The following PCDHGB1 variants were observed in gnomAD, a reference collection of about 807,000 sequenced individuals.
The protein encoded by PCDHGB1 is protocadherin gamma subfamily B, 1, also known as protocadherin gamma-B1.
Under a neutral mutation model 56.6 loss-of-function variants are expected in PCDHGB1, and 34 were observed. That is an observed-to-expected ratio of 0.60 (90% confidence interval 0.46 to 0.80). The LOEUF (loss-of-function observed/expected upper bound fraction) is 0.80. Ranked by LOEUF, PCDHGB1 falls within the 30% of genes least tolerant of loss-of-function variation. The pLI is 0.00. For missense variants in PCDHGB1, 1,278 were observed against 1,204.6 expected (o/e 1.06, Z -0.90); for synonymous variants, 561 against 505.9 (o/e 1.11, Z -1.46).
intron 1 of PCDHGB1, chr5:141,371,174 C>A: frequency 6.2e-7 from 1 of 1,613,994 alleles, no homozygotes; most frequent in South Asian, 1.1e-5. Context: ...CTGGCTCCTC[C>A]GTATTAAAAG....
At position 141,490,370 on chromosome 5, in the gene PCDHGB1, G is replaced by C. The variant is rs768474199; in HGVS notation, c.2410-4437G>C. ...GTGGGGTTGTTTAATGTGCGAGACC[G>C]GGACTCAGGTAGAAATGGTGAAGTG... On this transcript the variant is annotated intron_variant, in intron 1 of 3. Coordinates refer to ENST00000523390, the MANE Select transcript of PCDHGB1 (RefSeq NM_018922.3). The surrounding 1 kb of genome is among the most constrained non-coding windows in gnomAD (Gnocchi z 5.4). 1 of 1,614,172 alleles carries C rather than the reference G, an allele frequency of 6.2e-7. No individual in the cohort carries two copies. Among genetic ancestry groups the C allele is most frequent in the Admixed American group, 1.7e-5 (1 of 60,026 alleles).
rs1043830490 is a variant in PCDHGB1, at chr5:141,357,171, C to T, written c.2409+4502C>T. On this transcript the variant is annotated intron_variant, in intron 1 of 3. Coordinates refer to ENST00000523390, the MANE Select transcript of PCDHGB1 (RefSeq NM_018922.3). Reference sequence around the variant, plus strand: ...ATGGCCAGCCCCCTCTCTCGGCCACCGTCACACTCACTGTGGCTGTGGCCG... The same window carrying T: ...ATGGCCAGCCCCCTCTCTCGGCCACTGTCACACTCACTGTGGCTGTGGCCG... 6 of 1,613,588 alleles carry T rather than the reference C, an allele frequency of 3.7e-6. No individual in the cohort carries two copies. The African/African-American group carries it at 4.0e-5, about 11-fold the overall frequency.
chr5:141,406,528 TGAC>T (rs1369720853), intron 1 of PCDHGB1, among the ~76,000 whole-genome samples: 4 of 152,246 alleles, frequency 2.6e-5, no homozygotes, highest in Non-Finnish European at 5.9e-5. Context: ...AGATATTTTC[TGAC>T]GAAGATTCAA....
At chr5:141,357,095 T>A in intron 1 of PCDHGB1, 1 of 1,613,868 alleles carries the variant, frequency 6.2e-7, no homozygotes, top group African/African-American at 1.3e-5. Context: ...GCACGGGCCC[T>A]GCTGGACAGA....
At chr5:141,403,153 C>T (rs2094362720) in intron 1 of PCDHGB1, 2 of 1,614,060 alleles carry the variant, frequency 1.2e-6, no homozygotes, top group Non-Finnish European at 1.7e-6. Flanking sequence ...TCCGCATCGT[C>T]TCTAGAGGTA....
In PCDHGB1 at chr5:141,491,633, C is replaced by T; in HGVS notation, c.2410-3174C>T. Reference sequence around the variant, plus strand: ...CTAAGACCCCTCAGCGTTCAGCAGCCCACAGCTCTGGCGCTGGAGCCTGAC... The same window carrying T: ...CTAAGACCCCTCAGCGTTCAGCAGCTCACAGCTCTGGCGCTGGAGCCTGAC... On this transcript the variant is annotated intron_variant, in intron 1 of 3. Transcript: ENST00000523390. This position sits in a 1 kb window ranked among gnomAD's most constrained non-coding sequence, Gnocchi z 6.9. 2 of 1,613,916 alleles carry T rather than the reference C, an allele frequency of 1.2e-6. No homozygotes were observed.
chr5:141,375,176 G>A (rs1430924979), intron 1 of PCDHGB1: 2 of 1,613,900 alleles, frequency 1.2e-6, no homozygotes, highest in African/African-American at 1.3e-5. Context: ...TCCAGGAACA[G>A]TAATCGCCCT....
chr5:141,484,716 G>C (rs1375103858), intron 1 of PCDHGB1, among the ~76,000 whole-genome samples: 1 of 152,030 alleles, frequency 6.6e-6, no homozygotes, highest in African/African-American at 2.4e-5. Context: ...CGCCGAAAAG[G>C]GGCGGGGTCA....
At chr5:141,453,321 T>TG (rs2098762672) in intron 1 of PCDHGB1, among the ~76,000 whole-genome samples, 2 of 151,876 alleles carry the variant, frequency 1.3e-5, no homozygotes, top group Admixed American at 6.6e-5. Context: ...ATTTTAGAGA[T>TG]GGGGTCTCAC....
In PCDHGB1 at chr5:141,390,041, C is replaced by A. The variant is rs373243233; in HGVS notation, c.2409+37372C>A. On this transcript the variant is annotated intron_variant, in intron 1 of 3. Coordinates refer to ENST00000523390, the MANE Select transcript of PCDHGB1 (RefSeq NM_018922.3). ...TGCGCCTGCGACGCTCCTCCAGCCC[C>A]GCCTCCTGGAGCTGCTTCCAGCCTG... is the stretch of plus-strand genomic sequence containing the variant. The A allele has an allele frequency of 3.7e-6, 6 of 1,613,940 alleles. No homozygotes were observed. In the African/African-American group the frequency reaches 8.0e-5, roughly 22 times the overall value.
At position 141,382,875 on chromosome 5, in the gene PCDHGB1, C is replaced by T. The variant is rs531192742; in HGVS notation, c.2409+30206C>T. On this transcript the variant is annotated intron_variant, in intron 1 of 3. Transcript: ENST00000523390. ...TCTGAAGCACTTCCCGAGATCGGCG[C>T]CTAAGCAAGAGAAGCAGGACGACTA... 5 of 1,524,466 alleles carry T rather than the reference C, an allele frequency of 3.3e-6. No individual in the cohort carries two copies. In the East Asian group the frequency reaches 1.1e-4, roughly 35 times the overall value. The allele number at this position is 1,524,466 out of a possible 1,614,324, so 94.4% of individuals were successfully genotyped here. A position where few individuals can be genotyped will look rare whatever the true frequency, so the allele number is the denominator to read the frequency against.
intron 1 of PCDHGB1, chr5:141,370,538 G>A: frequency 3.1e-6 from 5 of 1,613,906 alleles, no homozygotes; most frequent in Non-Finnish European, 4.2e-6. Context: ...CGCTGGTAGG[G>A]AACCTCGCCA....
chr5:141,385,351 T>C, intron 1 of PCDHGB1: 1 of 1,555,976 alleles, frequency 6.4e-7, no homozygotes, highest in Non-Finnish European at 8.7e-7. Flanking sequence ...TTTATTTCCA[T>C]GAGGAATTTA....
chr5:141,408,345 G>A (rs370026579), intron 1 of PCDHGB1: 3 of 1,613,812 alleles, frequency 1.9e-6, no homozygotes, highest in Non-Finnish European at 2.5e-6. Context: ...TCGGTGGTGG[G>A]GAACCTCGCT....
At chr5:141,420,625 T>C (rs1440415745) in intron 1 of PCDHGB1, among the ~76,000 whole-genome samples, 1 of 152,242 alleles carries the variant, frequency 6.6e-6, no homozygotes, top group Non-Finnish European at 1.5e-5. Flanking sequence ...CTTCATTTAC[T>C]CAATAAAGGA....
Position 141,393,014 on chromosome 5 carries a change from C to T in PCDHGB1, c.2409+40345C>T, listed in dbSNP as rs761990025. The T allele has an allele frequency of 1.9e-6, 3 of 1,613,736 alleles. No homozygotes were observed. The African/African-American group carries it at 4.0e-5, about 22-fold the overall frequency. On this transcript the variant is annotated intron_variant, in intron 1 of 3. Transcript: ENST00000523390. ...TGGCGAAGCACGGAGTCCGTATCGT[C>T]TCCAGAGGTAGGACGCAGCTCTTTG... is the stretch of plus-strand genomic sequence containing the variant.
intron 1 of PCDHGB1, chr5:141,410,073 G>T: frequency 6.2e-7 from 1 of 1,612,940 alleles, no homozygotes; most frequent in South Asian, 1.1e-5. Context: ...CTGCGCACTG[G>T]GGAGGTGCGC....
chr5:141,415,039 G>A (rs761101620), intron 1 of PCDHGB1: 1 of 1,613,486 alleles, frequency 6.2e-7, no homozygotes, highest in South Asian at 1.1e-5. Context: ...GGGACTCTTC[G>A]CGGTGGGGGA....
Position 141,511,132 on chromosome 5 carries a change from A to G in PCDHGB1, c.2743A>G (p.Asn915Asp). The change falls in exon 4 of 4, where the codon AAT (asparagine) becomes GAT (aspartate). Residue 915 changes from asparagine to aspartate, a missense_variant. Coordinates refer to ENST00000523390, the MANE Select transcript of PCDHGB1 (RefSeq NM_018922.3). ...GGATGGCAAGGCCCCAGCAGGTGGC[A>G]ATGGCAACAAGAAGAAGTCGGGCAA... ...KRDGKAPAGG[N>D]GNKKKSGKKE... is the part of the protein sequence containing the mutation. The G allele has an allele frequency of 6.2e-7, 1 of 1,614,218 alleles. No individual in the cohort carries two copies. Among genetic ancestry groups the G allele is most frequent in the Non-Finnish European group, 8.5e-7 (1 of 1,180,018 alleles).
Sources: gnomAD v4.1 joint callset for allele counts (sites outside exome capture counted in the v4.1 genomes callset) on GRCh38, gnomAD v4.1.1 for gene constraint, Gnocchi (gnomAD v3.1) non-coding constraint, MANE v1.5 for transcripts, NCBI Gene and HGNC (gene_info 2026-07-23, HGNC 2026-07-21) for gene names.